Variants in MYRF observed in about 807,000 individuals in gnomAD.
MYRF encodes the protein myelin regulatory factor.
Under a neutral mutation model 126.3 loss-of-function variants are expected in MYRF, and 16 were observed. The ratio of observed to expected loss-of-function variants is 0.13; its 90% confidence interval spans 0.09 to 0.19. The LOEUF (loss-of-function observed/expected upper bound fraction) is 0.19. MYRF is among the 10% of genes least tolerant of loss of function. The pLI, the probability that MYRF is intolerant of heterozygous loss-of-function variation, is 1.00. For synonymous variants in MYRF, 608 were observed against 635.3 expected, an observed-to-expected ratio of 0.96 and a Z score of 0.65; for missense variants, 1,104 against 1,547.0, an observed-to-expected ratio of 0.71 and a Z score of 4.80.
chr11:61,771,391 G>GT, intron 5 of MYRF, 109 bp from the exon 6 acceptor site: 2 of 1,448,490 alleles, frequency 1.4e-6, no homozygotes, highest in East Asian at 2.3e-5. Context: ...CCTCTGGGCG[G>GT]GGCACATCCT....
Position 61,777,424 on chromosome 11 carries a change from T to C in MYRF, c.1751T>C (p.Met584Thr). The stretch of plus-strand genomic sequence containing the variant: ...AATGTCAAGGTCATGGGCTCGCTTA[T>C]GCACCCCTCCGACCTGCGCGCCAAG... ...HGNVKVMGSL[M>T]HPSDLRAKEH... The change falls in exon 12 of 27, where the codon ATG becomes ACG. Residue 584 changes from methionine to threonine, a missense_variant. Physicochemically the swap from Met to Thr is moderately conservative, Grantham distance 81 (BLOSUM62 -1). Transcript: ENST00000278836. This position sits in a 1 kb window ranked among gnomAD's most constrained non-coding sequence, Gnocchi z 8.8. The C allele has an allele frequency of 6.2e-7, 1 of 1,613,054 alleles. No individual in the cohort carries two copies. The highest frequency in any genetic ancestry group is 8.5e-7 in the Non-Finnish European group (1 of 1,179,738).
intron 1 of MYRF, among the ~76,000 whole-genome samples, chr11:61,756,617 G>A (rs1438786495): frequency 6.6e-6 from 1 of 151,312 alleles, no homozygotes; most frequent in East Asian, 1.9e-4. Context: ...GTGCAGGGCA[G>A]GGGTGGGGGG....
chr11:61,754,778 C>T (rs1406741923), intron 1 of MYRF, among the ~76,000 whole-genome samples: 1 of 152,168 alleles, frequency 6.6e-6, no homozygotes, highest in Non-Finnish European at 1.5e-5. Flanking sequence ...TGTGAGGCTG[C>T]CCGTCTAGGA....
chr11:61,763,284 G>T (rs917508148), intron 1 of MYRF, among the ~76,000 whole-genome samples: 2 of 152,210 alleles, frequency 1.3e-5, no homozygotes, highest in African/African-American at 2.4e-5. Flanking sequence ...CTGAACAGGG[G>T]ATGGTGATTA....
intron 7 of MYRF, 53 bp downstream of exon 7, chr11:61,772,005 C>T (rs1468882643): frequency 1.2e-5 from 20 of 1,605,174 alleles, no homozygotes; most frequent in Non-Finnish European, 1.5e-5. Context: ...CCTTGGGACG[C>T]CCCAGCCCAG....
In MYRF at chr11:61,787,783, C is replaced by T. The variant is rs1346385370; in HGVS notation, c.*1640C>T. The T allele has an allele frequency of 6.5e-6, 1 of 152,760 alleles. No homozygotes were observed. The highest frequency in any genetic ancestry group is 1.5e-5 in the Non-Finnish European group (1 of 68,058). 9.5% of individuals were successfully genotyped at this position (152,760 alleles called of 1,614,324 possible). On this transcript the variant is annotated 3_prime_UTR_variant, in exon 27 of 27. Coordinates refer to ENST00000278836, the MANE Select transcript of MYRF (RefSeq NM_001127392.3). ...TTCTCCCTCCCACTGGGGGAATCCT[C>T]CCTATGCCTTAAAACTGCCGAGCCC...
chr11:61,772,068 G>A, intron 7 of MYRF, 116 bp downstream of exon 7: 2 of 1,435,178 alleles, frequency 1.4e-6, no homozygotes, highest in East Asian at 4.6e-5. Flanking sequence ...TCACAGAAGA[G>A]CAAACAGGCT....
At position 61,779,898 on chromosome 11, in the gene MYRF, C is replaced by T; in HGVS notation, c.2304C>T (p.Thr768=). 6.2e-7 allele frequency: 1 copy of T among 1,614,142 alleles called. No homozygotes were observed. ...TCAGCCAGCGCTTCCTGCAGGGAAC[C>T]ATCATTGCCCTGGTGGTGGTCATGG... is the stretch of plus-strand genomic sequence containing the variant. ...ACISQRFLQG[T]IIALVVVMAF... is the part of the protein sequence containing the mutation. The change falls in exon 17 of 27, where the codon ACC becomes ACT. Residue 768 remains threonine, a synonymous_variant. Transcript: ENST00000278836.
At chr11:61,772,218 CG>C (rs2066244456) in intron 7 of MYRF, among the ~76,000 whole-genome samples, 1 of 152,174 alleles carries the variant, frequency 6.6e-6, no homozygotes. Flanking sequence ...TTTTTTCCCC[CG>C]GTTCCTCCTT....
At chr11:61,762,890 C>T (rs1352881933) in intron 1 of MYRF, among the ~76,000 whole-genome samples, 1 of 152,144 alleles carries the variant, frequency 6.6e-6, no homozygotes, top group East Asian at 1.9e-4. Flanking sequence ...TCCGCCCGGA[C>T]CCTGGCACGG....
rs1033342382 is a variant in MYRF at position 61,770,629 on chromosome 11, C to T, written c.740+104C>T. The T allele has an allele frequency of 1.4e-5, 17 of 1,174,704 alleles. 1 individual carries two copies. The African/African-American group carries it at 2.0e-4, about 14-fold the overall frequency. The allele number at this position is 1,174,704 out of a possible 1,614,324, so 72.8% of individuals were successfully genotyped here. A position where few individuals can be genotyped will look rare whatever the true frequency, so the allele number is the denominator to read the frequency against. ...AGAGAGGGAGGTAGGGACCGGGATG[C>T]ACCCAGGGAGGGCAGAAGGCTCTGC... is the stretch of plus-strand genomic sequence containing the variant. On this transcript the variant is annotated intron_variant, in intron 5 of 26. Coordinates refer to ENST00000278836, the MANE Select transcript of MYRF (RefSeq NM_001127392.3).
In MYRF at chr11:61,757,471, A is replaced by G; in HGVS notation, c.46+4681A>G. On this transcript the variant is annotated intron_variant, in intron 1 of 26. Transcript: ENST00000278836. The surrounding 1 kb of genome is among the most constrained non-coding windows in gnomAD (Gnocchi z 4.7). ...GGTGAACACTCCATTGGTCCATGGC[A>G]GGTGTTCTGCGCCCTACCTTGAAGA... 2.2e-6 allele frequency: 1 copy of G among 456,222 alleles called. No individual in the cohort carries two copies. Among genetic ancestry groups the G allele is most frequent in the South Asian group, 1.5e-5 (1 of 64,520 alleles). The allele number at this position is 456,222 out of a possible 1,614,324, so 28.3% of individuals were successfully genotyped here.
intron 1 of MYRF, among the ~76,000 whole-genome samples, chr11:61,762,865 T>C (rs748859886): frequency 3.3e-5 from 5 of 152,086 alleles, no homozygotes; most frequent in Non-Finnish European, 7.4e-5. Context: ...TCCCGCCTCC[T>C]TCCTCCATCC....
In MYRF at chr11:61,778,335, C is replaced by T. The variant is rs202245459; in HGVS notation, c.1904-45C>T. The T allele has an allele frequency of 1.3e-5, 17 of 1,336,268 alleles. No individual in the cohort carries two copies. Among genetic ancestry groups the T allele is most frequent in the East Asian group, 4.6e-5 (2 of 43,576 alleles). 82.8% of individuals were successfully genotyped at this position (1,336,268 alleles called of 1,614,324 possible). A position where few individuals can be genotyped will look rare whatever the true frequency, so the allele number is the denominator to read the frequency against. ...GTACATTACAAAGCTGTGAGTAGCC[C>T]TTTACCACCCCCCCACCCATCTTTG... On this transcript the variant is annotated intron_variant, in intron 13 of 26. Transcript: ENST00000278836. This position sits in a 1 kb window ranked among gnomAD's most constrained non-coding sequence, Gnocchi z 4.6.
Position 61,765,657 on chromosome 11 carries a change from A to G in MYRF, c.79A>G (p.Asn27Asp). Reference sequence around the variant, plus strand: ...CATCAACGGTGCCCTGGAGCCCTCCAACATAGACACCAGCATCCTGGAGGA... The same window carrying G: ...CATCAACGGTGCCCTGGAGCCCTCCGACATAGACACCAGCATCCTGGAGGA... ...HDINGALEPS[N>D]IDTSILEEYI... The change falls in exon 2 of 27, where the codon AAC (asparagine) becomes GAC (aspartate). Residue 27 changes from asparagine (N) to aspartate (D), a missense_variant. Asn to Asp is a conservative substitution (Grantham distance 23, BLOSUM62 1). Around this residue, in one of 10 missense-constraint regions of MYRF, gnomAD observed 368 missense variants for 403.9 expected, o/e 0.91. Transcript: ENST00000278836. The G allele has an allele frequency of 6.2e-7, 1 of 1,613,156 alleles. No homozygotes were observed. The highest frequency in any genetic ancestry group is 8.5e-7 in the Non-Finnish European group (1 of 1,179,886).
Position 61,757,330 on chromosome 11 carries a change from G to GT in MYRF, c.46+4541dup, listed in dbSNP as rs2065785896. On this transcript the variant is annotated intron_variant, in intron 1 of 26. Transcript: ENST00000278836. The surrounding 1 kb of genome is among the most constrained non-coding windows in gnomAD (Gnocchi z 4.7). ...CTTACCCACAGTGCTTCTCTTGGCCGTATCAGGGCACCGCTGTGCCTCCGC... is the reference window on the plus strand; with the variant it reads ...CTTACCCACAGTGCTTCTCTTGGCCGTTATCAGGGCACCGCTGTGCCTCCGC... 2.2e-6 allele frequency: 1 copy of GT among 456,390 alleles called. No individual in the cohort carries two copies. Among genetic ancestry groups the GT allele is most frequent in the African/African-American group, 2.0e-5 (1 of 50,178 alleles). The allele number at this position is 456,390 out of a possible 1,614,324, so 28.3% of individuals were successfully genotyped here.
intron 1 of MYRF, among the ~76,000 whole-genome samples, chr11:61,753,721 C>G (rs887139840): frequency 3.3e-5 from 5 of 152,132 alleles, no homozygotes; most frequent in Admixed American, 2.0e-4. Context: ...TCTGCCCCCA[C>G]CCCTACATTG....
chr11:61,755,265 A>G, intron 1 of MYRF: 1 of 1,081,684 alleles, frequency 9.2e-7, no homozygotes, highest in Non-Finnish European at 1.3e-6. Context: ...GCTGGGGGCT[A>G]AGGCGCTTTG....
chr11:61,761,252 C>A (rs1441812060), intron 1 of MYRF, among the ~76,000 whole-genome samples: 2 of 108,318 alleles, frequency 1.8e-5, no homozygotes, highest in Admixed American at 2.2e-4. Flanking sequence ...CCAACGGCCA[C>A]AGCTGGTGGG....
Sources: allele counts gnomAD v4.1 joint callset (sites outside exome capture counted in the v4.1 genomes callset), GRCh38; gene constraint gnomAD v4.1.1; regional missense constraint gnomAD v4.1.1; non-coding constraint Gnocchi (gnomAD v3.1); transcripts MANE v1.5; gene names NCBI Gene and HGNC (gene_info 2026-07-23, HGNC 2026-07-21).